Variants in TLCD4 observed in about 807,000 individuals in gnomAD.
TLCD4 encodes TLC domain-containing protein 4.
A neutral mutation model predicts 24.2 loss-of-function variants in TLCD4; 7 were observed. The ratio of observed to expected loss-of-function variants is 0.29; its 90% CI spans 0.16 to 0.54. The LOEUF (loss-of-function observed/expected upper bound fraction) is 0.54, where lower values mean the gene tolerates loss of function less well. TLCD4 is among the 20% of genes least tolerant of loss of function. The pLI, the probability that TLCD4 is intolerant of heterozygous loss-of-function variation, is 0.95. For synonymous variants in TLCD4, 103 were observed against 106.4 expected, an observed-to-expected ratio of 0.97 and a Z score of 0.20; for missense variants, 259 against 313.9, an observed-to-expected ratio of 0.82 and a Z score of 1.32.
Position 95,195,626 on chromosome 1 carries a change from T to C in TLCD4, c.*3758T>C, listed in dbSNP as rs1473329580. The C allele has an allele frequency of 6.6e-6, 1 of 152,214 alleles. No individual in the cohort carries two copies. The highest frequency in any genetic ancestry group is 2.4e-5 in the African/African-American group (1 of 41,458). The allele number at this position is 152,214 out of a possible 1,614,324, so 9.4% of individuals were successfully genotyped here. ...AGTGTTTCTCAGGTGCGAGCCAGCA[T>C]ACAGCGAGACCCTTCATGTGTCTCT... On this transcript the variant is annotated 3_prime_UTR_variant, in exon 7 of 7. Coordinates refer to ENST00000370203, the MANE Select transcript of TLCD4 (RefSeq NM_152487.3).
chr1:95,187,297 G>A (rs1274426978), intron 6 of TLCD4, among the ~76,000 whole-genome samples: 1 of 152,070 alleles, frequency 6.6e-6, no homozygotes, highest in African/African-American at 2.4e-5. Flanking sequence ...TACTTTGTGT[G>A]GATTTCTTTC....
intron 5 of TLCD4, among the ~76,000 whole-genome samples, chr1:95,153,508 A>T (rs1677547911): frequency 6.6e-6 from 1 of 152,184 alleles, no homozygotes; most frequent in Non-Finnish European, 1.5e-5. Context: ...ATGCATAAGG[A>T]TAAAGAATGA....
upstream of TLCD4, among the ~76,000 whole-genome samples, chr1:95,113,431 G>C (rs985170081): frequency 2.6e-5 from 4 of 152,130 alleles, no homozygotes; most frequent in Non-Finnish European, 5.9e-5. Context: ...GTGGGTAAAA[G>C]AGCTAAATCC....
At chr1:95,178,571 T>C (rs887151120) in intron 6 of TLCD4, among the ~76,000 whole-genome samples, 13 of 145,702 alleles carry the variant, frequency 8.9e-5, no homozygotes, top group African/African-American at 3.1e-4. Context: ...CCCTTTTTTT[T>C]TTTTTTTTTT....
At chr1:95,179,271 C>G (rs180672187) in intron 6 of TLCD4, among the ~76,000 whole-genome samples, 1 of 152,350 alleles carries the variant, frequency 6.6e-6, no homozygotes, top group African/African-American at 2.4e-5. Flanking sequence ...AGCAACATAC[C>G]TTTAGTAGAA....
At chr1:95,098,624 C>T in the TLCD4 span, among the ~76,000 whole-genome samples, 6 of 152,140 alleles carry the variant, frequency 3.9e-5, no homozygotes, top group Non-Finnish European at 2.9e-5. Flanking sequence ...CCTAATCTCT[C>T]TGGATTTTGA....
intron 6 of TLCD4, among the ~76,000 whole-genome samples, chr1:95,189,446 G>T (rs1375863665): frequency 1.3e-5 from 2 of 152,106 alleles, no homozygotes; most frequent in African/African-American, 4.8e-5. Context: ...CACTTTTTGT[G>T]CACTTCTGTG....
intron 6 of TLCD4, among the ~76,000 whole-genome samples, chr1:95,184,559 A>G (rs1678765420): frequency 6.6e-6 from 1 of 152,184 alleles, no homozygotes; most frequent in African/African-American, 2.4e-5. Flanking sequence ...ATAATTGCTA[A>G]ATGACCAAAG....
At chr1:95,117,307 G>C (rs778298972), upstream of TLCD4, 2 of 152,248 alleles carry the variant, frequency 1.3e-5, no homozygotes, top group Non-Finnish European at 1.5e-5. Context: ...GGCCAGGGTC[G>C]GAGCCGCCCG....
chr1:95,185,723 T>C (rs1571787439), intron 6 of TLCD4, among the ~76,000 whole-genome samples: 1 of 152,230 alleles, frequency 6.6e-6, no homozygotes, highest in African/African-American at 2.4e-5. Context: ...AGCTTTATTA[T>C]AAGAATATAG....
At chr1:95,098,519 C>T in the TLCD4 span, among the ~76,000 whole-genome samples, 1 of 152,198 alleles carries the variant, frequency 6.6e-6, no homozygotes, top group Admixed American at 6.5e-5. Flanking sequence ...CGTGGTTTTG[C>T]ATGTTCTCTC....
intron 6 of TLCD4, among the ~76,000 whole-genome samples, chr1:95,188,031 C>T (rs1678886386): frequency 6.6e-6 from 1 of 152,022 alleles, no homozygotes; most frequent in Admixed American, 6.6e-5. Context: ...CTTTATTTAA[C>T]CTTAATTGCC....
chr1:95,158,229 C>T (rs1469226282), intron 5 of TLCD4, among the ~76,000 whole-genome samples: 2 of 148,908 alleles, frequency 1.3e-5, no homozygotes, highest in East Asian at 3.9e-4. Context: ...ATTCTGTTGC[C>T]CAGGCTGGAG....
At chr1:95,180,817 T>G (rs1678610277) in intron 6 of TLCD4, among the ~76,000 whole-genome samples, 1 of 152,260 alleles carries the variant, frequency 6.6e-6, no homozygotes, top group Non-Finnish European at 1.5e-5. Context: ...ACCTCTTCAG[T>G]ACCTAAATGT....
chr1:95,180,217 G>C (rs1678585271), intron 6 of TLCD4, among the ~76,000 whole-genome samples: 1 of 152,180 alleles, frequency 6.6e-6, no homozygotes, highest in Admixed American at 6.5e-5. Context: ...GCAGGATAAA[G>C]CTACCTTTGA....
intron 1 of TLCD4, among the ~76,000 whole-genome samples, chr1:95,123,716 T>G (rs2100903881): frequency 6.6e-6 from 1 of 152,294 alleles, no homozygotes; most frequent in East Asian, 1.9e-4. Context: ...AAATTTATTA[T>G]TTTGCAGCTT....
the TLCD4 span, among the ~76,000 whole-genome samples, chr1:95,100,384 G>A: frequency 6.6e-6 from 1 of 152,082 alleles, no homozygotes. Flanking sequence ...AGACTAGCCT[G>A]GCCAACATGG....
chr1:95,094,644 A>G, the TLCD4 span, among the ~76,000 whole-genome samples: 1 of 152,218 alleles, frequency 6.6e-6, no homozygotes, highest in African/African-American at 2.4e-5. Context: ...TATCTGGACC[A>G]TCAAGAACCC....
At chr1:95,104,621 G>T in the TLCD4 span, among the ~76,000 whole-genome samples, 2 of 136,460 alleles carry the variant, frequency 1.5e-5, no homozygotes. Context: ...AGCTGAGATC[G>T]CGCCACTGCA....
Sources: allele counts gnomAD v4.1 joint callset (sites outside exome capture counted in the v4.1 genomes callset), GRCh38; gene constraint gnomAD v4.1.1; transcripts MANE v1.5; gene names NCBI Gene and HGNC (gene_info 2026-07-23, HGNC 2026-07-21).